The following CEMIP2 variants were observed in gnomAD, a reference collection of about 807,000 sequenced individuals.
CEMIP2 encodes cell migration inducing hyaluronidase 2.
Under a neutral mutation model 146.9 loss-of-function variants are expected in CEMIP2, and 79 were observed. The observed-to-expected ratio is 0.54, with a 90% CI of 0.45 to 0.65. The LOEUF is 0.65. Among genes scored for constraint, CEMIP2 ranks in the 30% least tolerant of loss-of-function variants. The pLI, the probability that CEMIP2 is intolerant of heterozygous loss-of-function variation, is 0.00. For missense variants in CEMIP2, 1,596 were observed against 1,696.2 expected, an observed-to-expected ratio of 0.94 and a Z score of 1.04; for synonymous variants, 601 against 606.3, an observed-to-expected ratio of 0.99 and a Z score of 0.13.
In CEMIP2 at chr9:71,750,440, C is replaced by A. The variant is rs963669704; in HGVS notation, c.-12-55G>T. The A allele has an allele frequency of 2.2e-5, 27 of 1,249,518 alleles. No individual in the cohort carries two copies. The Admixed American group carries it at 5.3e-4, about 24-fold the overall frequency. 77.4% of individuals were successfully genotyped at this position (1,249,518 alleles called of 1,614,324 possible). ...GTATGTGTAAATTCTTTTTTAATTT[C>A]TTTTATTTATTTATTTATGAGATGG... On this transcript the variant is annotated intron_variant, in intron 1 of 23. Coordinates refer to ENST00000377044, the MANE Select transcript of CEMIP2 (RefSeq NM_013390.3).
chr9:71,758,718 A>G (rs1385927412), intron 1 of CEMIP2, among the ~76,000 whole-genome samples: 1 of 152,156 alleles, frequency 6.6e-6, no homozygotes, highest in African/African-American at 2.4e-5. Flanking sequence ...TATAGATGCA[A>G]ATTTCCCCCA....
At chr9:71,711,994 G>A (rs990671629) in intron 16 of CEMIP2, 89 bp downstream of exon 16, 20 of 1,422,906 alleles carry the variant, frequency 1.4e-5, no homozygotes, top group Non-Finnish European at 1.8e-5. Flanking sequence ...CAGACTCGGT[G>A]CAAATCCTTT....
rs1262154154 is a variant in CEMIP2 at position 71,730,685 on chromosome 9, C to A, written c.1773+20G>T. On this transcript the variant is annotated intron_variant, in intron 8 of 23. Coordinates refer to ENST00000377044, the MANE Select transcript of CEMIP2 (RefSeq NM_013390.3). The stretch of plus-strand genomic sequence containing the variant: ...TAACTATTTCAATAATATGGGTTGA[C>A]CTAATGCGAGGCTACTTACTAGCAA... 6.2e-7 allele frequency: 1 copy of A among 1,612,454 alleles called. No individual in the cohort carries two copies. The highest frequency in any genetic ancestry group is 8.5e-7 in the Non-Finnish European group (1 of 1,178,678).
At chr9:71,742,068 A>G (rs1031837454) in intron 4 of CEMIP2, among the ~76,000 whole-genome samples, 1 of 152,236 alleles carries the variant, frequency 6.6e-6, no homozygotes, top group African/African-American at 2.4e-5. Flanking sequence ...GGTTTAAAAC[A>G]CGAAAAGAAA....
At chr9:71,713,474 A>C (rs949659417) in intron 15 of CEMIP2, among the ~76,000 whole-genome samples, 4 of 152,226 alleles carry the variant, frequency 2.6e-5, no homozygotes, top group Admixed American at 2.0e-4. Context: ...CTTTATCAGC[A>C]GTGTGAAAAC....
intron 10 of CEMIP2, among the ~76,000 whole-genome samples, chr9:71,728,243 A>C (rs1392838000): frequency 1.4e-4 from 7 of 49,172 alleles, no homozygotes; most frequent in African/African-American, 3.2e-4. Context: ...ATATATATAT[A>C]TATATATGTA....
intron 18 of CEMIP2, among the ~76,000 whole-genome samples, chr9:71,703,480 A>T (rs527782437): frequency 6.6e-6 from 1 of 152,338 alleles, no homozygotes; most frequent in African/African-American, 2.4e-5. Context: ...CTTAAAGCTG[A>T]ATTCCTACAT....
chr9:71,725,643 C>T lies in CEMIP2; in HGVS notation c.2116G>A (p.Ala706Thr). ...TGESSGLQLLAKPELTPLGIF... is the reference protein window; with the variant it reads ...TGESSGLQLLTKPELTPLGIF... ...CCCAATGGAGTGAGTTCTGGTTTTG[C>T]CAAGAGCTGCAATCCACTGGATTCC... Residue 706 changes from alanine (A) to threonine (T), a missense_variant, in exon 11 of 24, where the codon GCA becomes ACA. Transcript: ENST00000377044. The T allele has an allele frequency of 6.2e-7, 1 of 1,613,974 alleles. No individual in the cohort carries two copies. Among genetic ancestry groups the T allele is most frequent in the African/African-American group, 1.3e-5 (1 of 75,022 alleles).
At chr9:71,690,039 C>T in intron 22 of CEMIP2, 53 bp downstream of exon 22, 1 of 1,590,456 alleles carries the variant, frequency 6.3e-7, no homozygotes, top group South Asian at 1.1e-5. Flanking sequence ...CAGTTTGGAG[C>T]ACTCCACATC....
intron 19 of CEMIP2, among the ~76,000 whole-genome samples, chr9:71,699,644 G>A (rs78152223): frequency 0.086 from 13,021 of 151,936 alleles, 1,057 homozygotes; most frequent in African/African-American, 0.21. Flanking sequence ...AGTCAATCTC[G>A]CCACCCTTCT....
At chr9:71,699,184 G>C (rs1161624230) in intron 19 of CEMIP2, 2 of 175,482 alleles carry the variant, frequency 1.1e-5, no homozygotes, top group Non-Finnish European at 2.5e-5. Context: ...CTTGTCACCA[G>C]ACTATCCTTC....
At chr9:71,718,429 A>T (rs1394768975) in intron 12 of CEMIP2, among the ~76,000 whole-genome samples, 1 of 152,116 alleles carries the variant, frequency 6.6e-6, no homozygotes, top group East Asian at 1.9e-4. Flanking sequence ...ACCAATATAA[A>T]CTTATTTAAT....
At chr9:71,719,863 A>G (rs1439878873) in intron 12 of CEMIP2, among the ~76,000 whole-genome samples, 1 of 146,094 alleles carries the variant, frequency 6.8e-6, no homozygotes, top group Non-Finnish European at 1.5e-5. Flanking sequence ...AAAAAAAAAG[A>G]GTACTATAAG....
At chr9:71,720,037 A>G (rs1475107147) in intron 12 of CEMIP2, among the ~76,000 whole-genome samples, 1 of 151,966 alleles carries the variant, frequency 6.6e-6, no homozygotes, top group Non-Finnish European at 1.5e-5. Flanking sequence ...CTTCTTTCCC[A>G]CTTGGCATAT....
chr9:71,712,814 T>C (rs1822947407), intron 15 of CEMIP2, among the ~76,000 whole-genome samples: 1 of 152,154 alleles, frequency 6.6e-6, no homozygotes, highest in Non-Finnish European at 1.5e-5. Flanking sequence ...TTATTCATTT[T>C]CCCCCTTTCT....
intron 19 of CEMIP2, chr9:71,699,467 A>C (rs542083973): frequency 4.6e-5 from 19 of 412,008 alleles, no homozygotes; most frequent in Non-Finnish European, 8.4e-5. Flanking sequence ...AAAAAAAAAG[A>C]AAGAAAGAAA....
Position 71,714,954 on chromosome 9 carries a change from A to C in CEMIP2, c.2571T>G (p.Pro857=), listed in dbSNP as rs1400584209. 2 of 1,613,486 alleles carry C rather than the reference A, an allele frequency of 1.2e-6. No homozygotes were observed. The highest frequency in any genetic ancestry group is 2.7e-5 in the African/African-American group (2 of 74,870). ...YVGTGGIDQK[P]RTLPRNRTFP... The stretch of plus-strand genomic sequence containing the variant: ...CTTACCTGTTCCTGGGTAATGTTCG[A>C]GGCTTCTGGTCTATTCCTCCAGTGC... The change falls in exon 15 of 24, where the codon CCT becomes CCG. Residue 857 remains proline (P), a synonymous_variant. Coordinates refer to ENST00000377044, the MANE Select transcript of CEMIP2 (RefSeq NM_013390.3).
chr9:71,703,342 C>T (rs1001735352), intron 18 of CEMIP2, among the ~76,000 whole-genome samples: 10 of 152,024 alleles, frequency 6.6e-5, no homozygotes, highest in African/African-American at 1.2e-4. Context: ...CACAGAGGGC[C>T]GCAGCAAGGA....
At chr9:71,763,053 C>G (rs1371325217) in intron 1 of CEMIP2, among the ~76,000 whole-genome samples, 20 of 148,854 alleles carry the variant, frequency 1.3e-4, no homozygotes, top group Non-Finnish European at 1.9e-4. Flanking sequence ...TTTTTCAAAC[C>G]ACAACTTAAA....
Sources: allele counts gnomAD v4.1 joint callset (sites outside exome capture counted in the v4.1 genomes callset), GRCh38; gene constraint gnomAD v4.1.1; transcripts MANE v1.5; gene names NCBI Gene and HGNC (gene_info 2026-07-23, HGNC 2026-07-21).